GRM5: variants seen among roughly 807,000 people sequenced by gnomAD.
The protein encoded by GRM5 is metabotropic glutamate receptor 5.
A neutral mutation model predicts 83.1 loss-of-function variants in GRM5; 19 were observed. The ratio of observed to expected loss-of-function variants is 0.23; its 90% CI spans 0.16 to 0.34. The LOEUF is 0.34. Among genes scored for constraint, GRM5 ranks in the 10% least tolerant of loss-of-function variants. The pLI, the probability that GRM5 is intolerant of heterozygous loss-of-function variation, is 1.00. For synonymous variants in GRM5, 675 were observed against 633.6 expected, an observed-to-expected ratio of 1.07 and a Z score of -0.98; for missense variants, 1,160 against 1,588.3, an observed-to-expected ratio of 0.73 and a Z score of 4.58.
intron 3 of GRM5, among the ~76,000 whole-genome samples, chr11:88,744,791 G>A (rs780350483): frequency 2.0e-5 from 3 of 152,136 alleles, no homozygotes; most frequent in South Asian, 2.1e-4. Flanking sequence ...AAGTACTTTC[G>A]AGAATCTAAA....
In GRM5 at chr11:88,564,477, C is replaced by T. The variant is rs376266469; in HGVS notation, c.2630+2576G>A. Among the ~76,000 whole-genome samples the T allele has an allele frequency of 1.3e-4, 20 of 152,202 alleles. No individual in the cohort carries two copies. The South Asian group carries it at 3.7e-3, about 28-fold the overall frequency. On this transcript the variant is annotated intron_variant, in intron 8 of 9. Coordinates refer to ENST00000305447, the MANE Select transcript of GRM5 (RefSeq NM_001143831.3). ...GAGAAACTTTATAACTATAGTAAAG[C>T]AAGGGATCAGTGATCCGATTCTAGA...
At chr11:88,656,083 C>A (rs1441655355) in intron 3 of GRM5, among the ~76,000 whole-genome samples, 2 of 151,940 alleles carry the variant, frequency 1.3e-5, no homozygotes, top group African/African-American at 2.4e-5. Flanking sequence ...TAAGAAAAAA[C>A]CTTTCTGCCA....
At chr11:89,034,985 T>C (rs886958177) in intron 2 of GRM5, among the ~76,000 whole-genome samples, 1 of 151,390 alleles carries the variant, frequency 6.6e-6, no homozygotes, top group Non-Finnish European at 1.5e-5. Context: ...AGTTTTAACA[T>C]AATATATAAT....
chr11:88,816,538 C>CA (rs777360398), intron 3 of GRM5, among the ~76,000 whole-genome samples: 8,174 of 69,400 alleles, frequency 0.12, 363 homozygotes, highest in Admixed American at 0.23. Flanking sequence ...GACTCCATCT[C>CA]AAAAAAAAAA....
At chr11:88,544,746 T>G (rs1448638064) in intron 8 of GRM5, among the ~76,000 whole-genome samples, 1 of 152,212 alleles carries the variant, frequency 6.6e-6, no homozygotes, top group Non-Finnish European at 1.5e-5. Context: ...AACATTAAAC[T>G]TGGGCATAAG....
chr11:88,969,647 G>C (rs913472872), intron 2 of GRM5, among the ~76,000 whole-genome samples: 2 of 152,060 alleles, frequency 1.3e-5, no homozygotes, highest in African/African-American at 2.4e-5. Context: ...TCAAGGATCA[G>C]ATGTTTATAG....
chr11:88,695,830 G>T (rs1194022048), intron 3 of GRM5, among the ~76,000 whole-genome samples: 1 of 152,154 alleles, frequency 6.6e-6, no homozygotes, highest in Non-Finnish European at 1.5e-5. Flanking sequence ...CATGCAGAAG[G>T]GTAGGTTGTG....
chr11:88,843,023 T>C (rs1246077710), intron 3 of GRM5, among the ~76,000 whole-genome samples: 1 of 152,202 alleles, frequency 6.6e-6, no homozygotes, highest in Admixed American at 6.5e-5. Context: ...TTAATGACAC[T>C]GAATAGCCCA....
At chr11:88,874,702 G>A (rs1027762637) in intron 2 of GRM5, among the ~76,000 whole-genome samples, 39 of 151,882 alleles carry the variant, frequency 2.6e-4, no homozygotes, top group Non-Finnish European at 1.2e-4. Flanking sequence ...CTGAAAAGGG[G>A]TTAATATTAA....
intron 4 of GRM5, among the ~76,000 whole-genome samples, chr11:88,630,280 G>T (rs920480170): frequency 6.6e-6 from 1 of 151,948 alleles, no homozygotes. Flanking sequence ...TATGTTCCAC[G>T]AAGGCAAGAA....
At chr11:88,545,762 C>T (rs909745032) in intron 8 of GRM5, among the ~76,000 whole-genome samples, 3 of 152,098 alleles carry the variant, frequency 2.0e-5, no homozygotes. Context: ...CTCTTCTCTT[C>T]TTGTCACTCT....
At chr11:88,909,545 T>TACACAC (rs60637208) in intron 2 of GRM5, among the ~76,000 whole-genome samples, 29,101 of 145,890 alleles carry the variant, frequency 0.2, 3,436 homozygotes, top group Non-Finnish European at 0.28. Context: ...TCCTCACCAG[T>TACACAC]ACACACACAC....
At chr11:88,760,268 A>G (rs1942484224) in intron 3 of GRM5, among the ~76,000 whole-genome samples, 1 of 152,172 alleles carries the variant, frequency 6.6e-6, no homozygotes, top group Non-Finnish European at 1.5e-5. Flanking sequence ...CATTCAAAAG[A>G]TCAATGAATT....
chr11:88,606,781 T>C (rs905050305), intron 4 of GRM5, among the ~76,000 whole-genome samples: 2 of 151,844 alleles, frequency 1.3e-5, no homozygotes, highest in African/African-American at 4.8e-5. Context: ...ATGGCAAAGG[T>C]GTCTAGGAAG....
chr11:89,030,458 G>A (rs188841013), intron 2 of GRM5, among the ~76,000 whole-genome samples: 1 of 151,996 alleles, frequency 6.6e-6, no homozygotes, highest in Non-Finnish European at 1.5e-5. Context: ...GACTTTCTCC[G>A]GGAGCACTTT....
At chr11:88,997,170 C>CA (rs1004140061) in intron 2 of GRM5, among the ~76,000 whole-genome samples, 4 of 151,024 alleles carry the variant, frequency 2.6e-5, no homozygotes, top group South Asian at 4.2e-4. Flanking sequence ...ACTAAAAATA[C>CA]AAAAAAATTA....
intron 4 of GRM5, among the ~76,000 whole-genome samples, chr11:88,621,148 T>C (rs1938623785): frequency 6.6e-6 from 1 of 152,318 alleles, no homozygotes; most frequent in African/African-American, 2.4e-5. Context: ...GTTATGATAT[T>C]ATTTAAAAGA....
chr11:88,593,769 TCTCTCTC>T (rs1565352453), intron 6 of GRM5, among the ~76,000 whole-genome samples: 1 of 94,468 alleles, frequency 1.1e-5, no homozygotes, highest in Non-Finnish European at 2.8e-5. Context: ...TCCTTCTCTC[TCTCTCTC>T]TCTCTCTCTT....
chr11:89,040,890 C>T (rs1005327386), intron 2 of GRM5, among the ~76,000 whole-genome samples: 1 of 152,160 alleles, frequency 6.6e-6, no homozygotes, highest in African/African-American at 2.4e-5. Context: ...CTTGCTTTCT[C>T]TTACATGCTT....
Sources: gnomAD v4.1 joint callset for allele counts (sites outside exome capture counted in the v4.1 genomes callset) on GRCh38, gnomAD v4.1.1 for gene constraint, MANE v1.5 for transcripts, NCBI Gene and HGNC (gene_info 2026-07-23, HGNC 2026-07-21) for gene names.